DYNC1I1: variants seen among roughly 807,000 people sequenced by gnomAD.
The protein encoded by DYNC1I1 is dynein cytoplasmic 1 intermediate chain 1, also known as cytoplasmic dynein 1 intermediate chain 1.
A neutral mutation model predicts 86.6 loss-of-function variants in DYNC1I1; 43 were observed. The ratio of observed to expected loss-of-function variants is 0.50; its 90% CI spans 0.39 to 0.64. The LOEUF (loss-of-function observed/expected upper bound fraction) is 0.64. Ranked by LOEUF, DYNC1I1 falls within the 30% of genes least tolerant of loss-of-function variation. The pLI, the probability that DYNC1I1 is intolerant of heterozygous loss-of-function variation, is 0.00. For synonymous variants in DYNC1I1, 262 were observed against 283.7 expected, an observed-to-expected ratio of 0.92 and a Z score of 0.77; for missense variants, 604 against 788.8, an observed-to-expected ratio of 0.77 and a Z score of 2.81.
intron 6 of DYNC1I1, among the ~76,000 whole-genome samples, chr7:95,894,373 A>G (rs898725438): frequency 5.9e-5 from 9 of 152,014 alleles, no homozygotes; most frequent in African/African-American, 1.9e-4. Context: ...GGGTCTCTTT[A>G]TAAGAGTACC....
chr7:95,848,939 A>G (rs1403533787), intron 5 of DYNC1I1, among the ~76,000 whole-genome samples: 1 of 152,052 alleles, frequency 6.6e-6, no homozygotes, highest in Non-Finnish European at 1.5e-5. Flanking sequence ...ATAAGGTGAT[A>G]GCTCATTGTA....
chr7:96,018,837 C>T (rs1300361140), intron 10 of DYNC1I1, among the ~76,000 whole-genome samples: 1 of 152,136 alleles, frequency 6.6e-6, no homozygotes, highest in Non-Finnish European at 1.5e-5. Flanking sequence ...AGGGAAATAT[C>T]CAGACCTACA....
chr7:95,900,026 A>G (rs1299362782), intron 6 of DYNC1I1, among the ~76,000 whole-genome samples: 1 of 152,176 alleles, frequency 6.6e-6, no homozygotes, highest in East Asian at 1.9e-4. Context: ...TCCATGGGAC[A>G]CATGAGTTTG....
At chr7:95,961,609 G>A (rs1409405856) in intron 6 of DYNC1I1, among the ~76,000 whole-genome samples, 1 of 152,136 alleles carries the variant, frequency 6.6e-6, no homozygotes, top group South Asian at 2.1e-4. Context: ...TCCCTGTATA[G>A]TAGGAGGTAA....
chr7:95,825,507 A>G (rs1253640438), intron 4 of DYNC1I1, among the ~76,000 whole-genome samples: 3 of 152,322 alleles, frequency 2.0e-5, no homozygotes, highest in Admixed American at 2.0e-4. Context: ...GCAAATATGA[A>G]TTACGTTAAC....
intron 6 of DYNC1I1, 66 bp from the exon 7 acceptor site, chr7:95,977,446 A>G: frequency 6.7e-7 from 1 of 1,494,922 alleles, no homozygotes; most frequent in Non-Finnish European, 9.1e-7. Context: ...CCTACCTCCC[A>G]CTATCAACCA....
chr7:96,108,027 T>C (rs940812139), intron 16 of DYNC1I1, among the ~76,000 whole-genome samples: 1 of 152,148 alleles, frequency 6.6e-6, no homozygotes, highest in African/African-American at 2.4e-5. Flanking sequence ...ATCTTTATGC[T>C]TTTCTTTTAC....
In DYNC1I1 at chr7:96,025,442, G is replaced by T. The variant is rs1022416828; in HGVS notation, c.970-2733G>T. On this transcript the variant is annotated intron_variant, in intron 10 of 16. Transcript: ENST00000447467. ...TCCAAACAGAAAATGAAAAAAAAAA[G>T]TCTAATCTTATTTATCATGGTTATA... Among the ~76,000 whole-genome samples, 10 of 151,608 alleles carry T rather than the reference G, an allele frequency of 6.6e-5. No individual in the cohort carries two copies. The South Asian group carries it at 1.3e-3, about 19-fold the overall frequency.
chr7:96,020,719 A>G (rs2115909722), intron 10 of DYNC1I1, among the ~76,000 whole-genome samples: 1 of 152,358 alleles, frequency 6.6e-6, no homozygotes, highest in East Asian at 1.9e-4. Flanking sequence ...TATTCTTAGC[A>G]GCATTATTCA....
intron 1 of DYNC1I1, among the ~76,000 whole-genome samples, chr7:95,788,743 A>T (rs1794214238): frequency 6.6e-6 from 1 of 152,126 alleles, no homozygotes; most frequent in Non-Finnish European, 1.5e-5. Flanking sequence ...AATAGCTTTT[A>T]TGTCTCCACT....
chr7:95,838,394 A>G (rs146826509), intron 5 of DYNC1I1, among the ~76,000 whole-genome samples: 15 of 152,282 alleles, frequency 9.9e-5, no homozygotes, highest in African/African-American at 1.2e-4. Context: ...TGTCCCACTG[A>G]CCTATATGCC....
chr7:96,022,336 T>A (rs1048998316), intron 10 of DYNC1I1, among the ~76,000 whole-genome samples: 2 of 152,190 alleles, frequency 1.3e-5, no homozygotes, highest in Non-Finnish European at 2.9e-5. Context: ...AGAAAGGTTA[T>A]CAGGATGATG....
chr7:96,043,384 T>G (rs2116060407), intron 14 of DYNC1I1, among the ~76,000 whole-genome samples: 1 of 152,150 alleles, frequency 6.6e-6, no homozygotes, highest in African/African-American at 2.4e-5. Context: ...ATCTCTGAAT[T>G]TAGAAGATAC....
At chr7:95,956,613 A>G (rs1792722138) in intron 6 of DYNC1I1, among the ~76,000 whole-genome samples, 1 of 150,978 alleles carries the variant, frequency 6.6e-6, no homozygotes, top group Admixed American at 6.6e-5. Context: ...GCTCCCACTT[A>G]TGAGTGAGAA....
At chr7:95,966,681 A>G (rs769990951) in intron 6 of DYNC1I1, among the ~76,000 whole-genome samples, 51 of 152,342 alleles carry the variant, frequency 3.3e-4, no homozygotes, top group Middle Eastern at 3.4e-3. Flanking sequence ...AAAGCTCATC[A>G]TGTTTGCCTC....
At chr7:96,043,550 A>AAT (rs1554438320) in intron 14 of DYNC1I1, among the ~76,000 whole-genome samples, 1 of 151,832 alleles carries the variant, frequency 6.6e-6, no homozygotes, top group Admixed American at 6.6e-5. Flanking sequence ...AAAAAAAAAA[A>AAT]ACAGAACAAA....
At chr7:95,883,573 G>A (rs1425797028) in intron 6 of DYNC1I1, among the ~76,000 whole-genome samples, 2 of 152,194 alleles carry the variant, frequency 1.3e-5, no homozygotes, top group Admixed American at 6.5e-5. Flanking sequence ...TTATACTTAA[G>A]TGAGTCATGT....
At chr7:95,992,282 A>G (rs1422581654) in intron 9 of DYNC1I1, among the ~76,000 whole-genome samples, 2 of 152,076 alleles carry the variant, frequency 1.3e-5, no homozygotes, top group Non-Finnish European at 2.9e-5. Context: ...ATAAGTTCCT[A>G]TAGAGAAGAG....
At chr7:95,975,574 C>A (rs1423650673) in intron 6 of DYNC1I1, among the ~76,000 whole-genome samples, 1 of 152,132 alleles carries the variant, frequency 6.6e-6, no homozygotes, top group Non-Finnish European at 1.5e-5. Context: ...CTCATTTGAA[C>A]TAATTATATC....
Sources: allele counts gnomAD v4.1 joint callset (sites outside exome capture counted in the v4.1 genomes callset), GRCh38; gene constraint gnomAD v4.1.1; transcripts MANE v1.5; gene names NCBI Gene and HGNC (gene_info 2026-07-23, HGNC 2026-07-21).